The following NXPH1 variants were observed in gnomAD, a reference collection of about 807,000 sequenced individuals.
The protein encoded by NXPH1 is neurexophilin 1, also known as neurexophilin-1.
NXPH1 carries 5 observed loss-of-function variants against 23.7 expected under a neutral mutation model. That is an observed-to-expected ratio of 0.21 (90% CI 0.11 to 0.44). The LOEUF (loss-of-function observed/expected upper bound fraction) is 0.44, where lower values mean the gene tolerates loss of function less well. Ranked by LOEUF, NXPH1 falls within the 20% of genes least tolerant of loss-of-function variation. The pLI is 0.99. For synonymous variants in NXPH1, 144 were observed against 122.2 expected (o/e 1.18, Z -1.18); for missense variants, 324 against 321.6 (o/e 1.01, Z -0.06).
In NXPH1 at chr7:8,447,069, C is replaced by A. The variant is rs368692094; in HGVS notation, c.54+11302C>A. On this transcript the variant is annotated intron_variant, in intron 2 of 2. Coordinates refer to ENST00000405863, the MANE Select transcript of NXPH1 (RefSeq NM_152745.3). ...AAAGCATAAGCTGGGCTATATGAGA[C>A]CTGTTATATTTTCTGTTTGAGAAAT... 2.0e-5 allele frequency among the ~76,000 whole-genome samples: 3 copies of A among 152,074 alleles called. No individual in the cohort carries two copies. The East Asian group carries it at 5.8e-4, about 29-fold the overall frequency.
intron 2 of NXPH1, among the ~76,000 whole-genome samples, chr7:8,673,697 T>C (rs1820906671): frequency 6.6e-6 from 1 of 152,166 alleles, no homozygotes; most frequent in Admixed American, 6.5e-5. Flanking sequence ...GATAATTAAC[T>C]GAATTATTTC....
intron 2 of NXPH1, among the ~76,000 whole-genome samples, chr7:8,574,991 C>T (rs1027668753): frequency 6.6e-6 from 1 of 152,132 alleles, no homozygotes; most frequent in Non-Finnish European, 1.5e-5. Flanking sequence ...GGTACTCCTT[C>T]GACATTATAG....
intron 2 of NXPH1, among the ~76,000 whole-genome samples, chr7:8,559,928 A>G (rs941198427): frequency 2.0e-5 from 3 of 151,740 alleles, no homozygotes; most frequent in Admixed American, 2.0e-4. Flanking sequence ...CTAGGCTGAC[A>G]TGAAAGATTG....
chr7:8,589,274 G>A (rs1408562527), intron 2 of NXPH1, among the ~76,000 whole-genome samples: 1 of 152,080 alleles, frequency 6.6e-6, no homozygotes, highest in Non-Finnish European at 1.5e-5. Flanking sequence ...AGGTGGAGCT[G>A]AACTATCTTT....
chr7:8,668,823 T>C (rs892501976), intron 2 of NXPH1, among the ~76,000 whole-genome samples: 12 of 152,082 alleles, frequency 7.9e-5, no homozygotes, highest in African/African-American at 2.9e-4. Context: ...AGCCTGGGTC[T>C]GCAGGGGTTC....
intron 2 of NXPH1, among the ~76,000 whole-genome samples, chr7:8,457,084 A>G (rs908783783): frequency 6.6e-6 from 1 of 152,170 alleles, no homozygotes; most frequent in Admixed American, 6.5e-5. Flanking sequence ...AACATTGTGT[A>G]GGAACTGGGG....
rs149142543 is a variant in NXPH1, at chr7:8,683,143, T to C, written c.55-67865T>C. On this transcript the variant is annotated intron_variant, in intron 2 of 2. Transcript: ENST00000405863. Reference sequence around the variant, plus strand: ...AAGAAGCTTTTATCCAGGTCGAAGGTGAAGTGGGAGCAGGTGTGTCACATG... The same window carrying C: ...AAGAAGCTTTTATCCAGGTCGAAGGCGAAGTGGGAGCAGGTGTGTCACATG... Among the ~76,000 whole-genome samples the C allele has an allele frequency of 7.2e-5, 11 of 152,302 alleles. No individual in the cohort carries two copies. In the East Asian group the frequency reaches 2.1e-3, roughly 29 times the overall value.
intron 2 of NXPH1, among the ~76,000 whole-genome samples, chr7:8,472,841 G>A (rs142499234): frequency 1.4e-3 from 210 of 152,242 alleles, no homozygotes; most frequent in African/African-American, 4.8e-3. Flanking sequence ...ACTAAACAAG[G>A]GGAACTCACT....
chr7:8,460,238 C>G (rs1408549268), intron 2 of NXPH1, among the ~76,000 whole-genome samples: 1 of 151,870 alleles, frequency 6.6e-6, no homozygotes, highest in Non-Finnish European at 1.5e-5. Flanking sequence ...AAAAATTTTA[C>G]CTGAAATTTA....
rs532866156 is a variant in NXPH1, at chr7:8,576,862, G to A, written c.54+141095G>A. On this transcript the variant is annotated intron_variant, in intron 2 of 2. Coordinates refer to ENST00000405863, the MANE Select transcript of NXPH1 (RefSeq NM_152745.3). ...CTATAGGGTCAGAGTTATGTTTCCA[G>A]ATGAACTAGTAATCTTGAATATTAA... is the stretch of plus-strand genomic sequence containing the variant. 2.0e-5 allele frequency among the ~76,000 whole-genome samples: 3 copies of A among 152,216 alleles called. No homozygotes were observed. In the South Asian group the frequency reaches 6.2e-4, roughly 32 times the overall value.
chr7:8,590,003 C>T (rs1490377049), intron 2 of NXPH1, among the ~76,000 whole-genome samples: 1 of 152,112 alleles, frequency 6.6e-6, no homozygotes, highest in Non-Finnish European at 1.5e-5. Context: ...AGGCATAGAA[C>T]ATTTCCCTCA....
At chr7:8,669,513 G>C (rs1267388974) in intron 2 of NXPH1, among the ~76,000 whole-genome samples, 1 of 152,210 alleles carries the variant, frequency 6.6e-6, no homozygotes, top group Non-Finnish European at 1.5e-5. Flanking sequence ...TGGAGGTTCA[G>C]TCTGAGGGTA....
intron 2 of NXPH1, among the ~76,000 whole-genome samples, chr7:8,540,159 A>G (rs902095969): frequency 2.6e-5 from 4 of 151,816 alleles, no homozygotes; most frequent in Non-Finnish European, 5.9e-5. Context: ...TGACAATCAC[A>G]GAATCACCTG....
chr7:8,541,210 A>T (rs1176853809), intron 2 of NXPH1, among the ~76,000 whole-genome samples: 1 of 151,758 alleles, frequency 6.6e-6, no homozygotes, highest in Non-Finnish European at 1.5e-5. Context: ...AAGTTTAGAT[A>T]TGGAAGATAC....
At chr7:8,687,566 A>T (rs539257986) in intron 2 of NXPH1, among the ~76,000 whole-genome samples, 10 of 152,278 alleles carry the variant, frequency 6.6e-5, no homozygotes, top group Admixed American at 4.6e-4. Flanking sequence ...GTCCCTGAAC[A>T]TGCATGGGTA....
In NXPH1 at chr7:8,442,910, C is replaced by T. The variant is rs554118311; in HGVS notation, c.54+7143C>T. ...CGGCAGTTCTCGGGAGAATAGGCCGCGGGCTATAAGATTTGATCGCGGGCA... is the reference window on the plus strand; with the variant it reads ...CGGCAGTTCTCGGGAGAATAGGCCGTGGGCTATAAGATTTGATCGCGGGCA... On this transcript the variant is annotated intron_variant, in intron 2 of 2. Coordinates refer to ENST00000405863, the MANE Select transcript of NXPH1 (RefSeq NM_152745.3). This position sits in a 1 kb window ranked among gnomAD's most constrained non-coding sequence, Gnocchi z 4.6. Among the ~76,000 whole-genome samples, 2 of 152,340 alleles carry T rather than the reference C, an allele frequency of 1.3e-5. No homozygotes were observed. The highest frequency in any genetic ancestry group is 4.1e-4 in the South Asian group (2 of 4,832).
intron 2 of NXPH1, among the ~76,000 whole-genome samples, chr7:8,447,852 AG>A (rs1490367255): frequency 6.6e-6 from 1 of 152,232 alleles, no homozygotes; most frequent in African/African-American, 2.4e-5. Context: ...GAGGCTTTAA[AG>A]GCAAAGCCAC....
Position 8,609,313 on chromosome 7 carries a change from C to T in NXPH1, c.55-141695C>T, listed in dbSNP as rs377583407. ...CCTTCTATTCTAAAATTATGGCAGG[C>T]ACTATACGTAAGGGCTTTATAGTTT... is the stretch of plus-strand genomic sequence containing the variant. On this transcript the variant is annotated intron_variant, in intron 2 of 2. Coordinates refer to ENST00000405863, the MANE Select transcript of NXPH1 (RefSeq NM_152745.3). Among the ~76,000 whole-genome samples, 664 of 152,176 alleles carry T rather than the reference C, an allele frequency of 4.4e-3. 4 individuals are homozygous for T. The highest frequency in any genetic ancestry group is 0.015 in the African/African-American group (637 of 41,534).
chr7:8,749,909 G>A (rs1219715165), intron 2 of NXPH1, among the ~76,000 whole-genome samples: 1 of 152,092 alleles, frequency 6.6e-6, no homozygotes, highest in African/African-American at 2.4e-5. Context: ...GGCCAGTGTG[G>A]TCATTGTGGC....
Sources: gnomAD v4.1 joint callset for allele counts (sites outside exome capture counted in the v4.1 genomes callset) on GRCh38, gnomAD v4.1.1 for gene constraint, Gnocchi (gnomAD v3.1) non-coding constraint, MANE v1.5 for transcripts, NCBI Gene and HGNC (gene_info 2026-07-23, HGNC 2026-07-21) for gene names.